Variants in PECAM1 observed in about 807,000 individuals in gnomAD.
The protein encoded by PECAM1 is platelet endothelial cell adhesion molecule.
Under a neutral mutation model 13.8 loss-of-function variants are expected in PECAM1, and 8 were observed. The ratio of observed to expected loss-of-function variants is 0.58; its 90% CI spans 0.34 to 1.05. The LOEUF (loss-of-function observed/expected upper bound fraction) is 1.05, where lower values mean the gene tolerates loss of function less well. Among genes scored for constraint, PECAM1 ranks in the 50% least tolerant of loss-of-function variants. The probability of loss-of-function intolerance (pLI) is 0.03; values close to 1 mark genes in which losing one functional copy is unlikely to be tolerated. For missense variants in PECAM1, 304 were observed against 141.2 expected (o/e 2.15, Z -5.84); for synonymous variants, 136 against 52.6 (o/e 2.58, Z -6.86).
chr17:64,377,638 A>ACGG, intron 3 of PECAM1, 186 bp downstream of exon 3: 3 of 402,590 alleles, frequency 7.5e-6, no homozygotes, highest in Non-Finnish European at 1.3e-5. Context: ...GGAAGGAAGG[A>ACGG]AGGGCCTGGC....
intron 7 of PECAM1, among the ~76,000 whole-genome samples, chr17:64,358,839 CAGGCTGGA>C (rs1393008013): frequency 5.3e-5 from 8 of 151,710 alleles, no homozygotes; most frequent in Non-Finnish European, 1.2e-4. Context: ...CTCCGTTGCC[CAGGCTGGA>C]GTGTAGCGGA....
At chr17:64,337,184 G>C (rs1366462496) in intron 14 of PECAM1, among the ~76,000 whole-genome samples, 1 of 152,132 alleles carries the variant, frequency 6.6e-6, no homozygotes, top group Non-Finnish European at 1.5e-5. Context: ...GCAAGAACCA[G>C]GGCTCTCTCT....
At chr17:64,382,932 C>G (rs955292450) in intron 2 of PECAM1, among the ~76,000 whole-genome samples, 2 of 151,874 alleles carry the variant, frequency 1.3e-5, no homozygotes, top group Non-Finnish European at 2.9e-5. Flanking sequence ...CCCATCTACT[C>G]GGGAGGCTGA....
chr17:64,385,358 C>G (rs73993921), intron 2 of PECAM1, among the ~76,000 whole-genome samples: 143,410 of 152,234 alleles, frequency 0.94, 68,158 homozygotes, highest in East Asian at 1. Context: ...GCGGCACCAT[C>G]AGTCAGCCAG....
At chr17:64,371,560 G>T (rs1332748124) in intron 4 of PECAM1, among the ~76,000 whole-genome samples, 1 of 152,068 alleles carries the variant, frequency 6.6e-6, no homozygotes, top group African/African-American at 2.4e-5. Context: ...GGTCAGGCAC[G>T]GTGCTCCACA....
rs1457261658 is a variant in PECAM1 at position 64,320,457 on chromosome 17, G to A, written c.*3359C>T. 1.3e-5 allele frequency: 2 copies of A among 152,648 alleles called. No homozygotes were observed. Among genetic ancestry groups the A allele is most frequent in the African/African-American group, 4.8e-5 (2 of 41,444 alleles). 9.5% of individuals were successfully genotyped at this position (152,648 alleles called of 1,614,324 possible). On this transcript the variant is annotated 3_prime_UTR_variant, in exon 16 of 16. Coordinates refer to ENST00000563924, the MANE Select transcript of PECAM1 (RefSeq NM_000442.5). ...TGCACTTCTTCCTTTTGTCCTCAAT[G>A]TTCTTCACCCCACCTTTTCCACTGG...
intron 5 of PECAM1, among the ~76,000 whole-genome samples, chr17:64,363,773 C>A (rs1269640683): frequency 3.9e-5 from 6 of 151,968 alleles, no homozygotes; most frequent in African/African-American, 1.4e-4. Flanking sequence ...TGGTGAAACC[C>A]CATCTCTACT....
intron 5 of PECAM1, among the ~76,000 whole-genome samples, chr17:64,365,566 C>T (rs1404804221): frequency 2.6e-5 from 4 of 152,136 alleles, no homozygotes; most frequent in African/African-American, 9.7e-5. Context: ...AACCTGACTT[C>T]AAACTATACT....
rs782441849 is a variant in PECAM1 at position 64,321,923 on chromosome 17, C to A, written c.*1893G>T. 1.5e-6 allele frequency: 2 copies of A among 1,333,740 alleles called. No individual in the cohort carries two copies. Among genetic ancestry groups the A allele is most frequent in the Non-Finnish European group, 2.0e-6 (2 of 1,006,574 alleles). The allele number at this position is 1,333,740 out of a possible 1,614,324, so 82.6% of individuals were successfully genotyped here. A position where few individuals can be genotyped will look rare whatever the true frequency, so the allele number is the denominator to read the frequency against. On this transcript the variant is annotated 3_prime_UTR_variant, in exon 16 of 16. Transcript: ENST00000563924. ...GGGGATCTGGCTGTCCCCAGATCAT[C>A]AACAGAGACATGAAGGTCGTTAGAG...
chr17:64,377,695 C>T (rs1395269720), intron 3 of PECAM1, 129 bp downstream of exon 3: 3 of 440,312 alleles, frequency 6.8e-6, no homozygotes, highest in Non-Finnish European at 8.1e-6. Flanking sequence ...AAGGAAAATG[C>T]CAGGCAGATG....
intron 5 of PECAM1, among the ~76,000 whole-genome samples, chr17:64,369,441 A>G: frequency 6.6e-6 from 1 of 152,286 alleles, no homozygotes; most frequent in South Asian, 2.1e-4. Context: ...TCATTATAGC[A>G]GTCCTAAAAG....
chr17:64,345,516 C>T (rs1353740842), intron 13 of PECAM1, among the ~76,000 whole-genome samples: 23 of 151,910 alleles, frequency 1.5e-4, no homozygotes, highest in African/African-American at 5.3e-4. Flanking sequence ...AGTTGGAGAC[C>T]AGCCTGGCCA....
chr17:64,355,292 A>C (rs1048077162), intron 8 of PECAM1, among the ~76,000 whole-genome samples: 2 of 151,850 alleles, frequency 1.3e-5, no homozygotes, highest in Non-Finnish European at 2.9e-5. Context: ...GCTGGGGTAG[A>C]CTCTTTTCTT....
At chr17:64,383,787 C>A (rs1013853925) in intron 2 of PECAM1, among the ~76,000 whole-genome samples, 7 of 152,154 alleles carry the variant, frequency 4.6e-5, no homozygotes, top group African/African-American at 1.4e-4. Context: ...GCATGGGGCC[C>A]GTCCACCATC....
At chr17:64,351,170 G>A (rs1352484855) in intron 11 of PECAM1, among the ~76,000 whole-genome samples, 2 of 151,974 alleles carry the variant, frequency 1.3e-5, no homozygotes, top group Non-Finnish European at 2.9e-5. Flanking sequence ...GAGCCACCGC[G>A]CCCAGCCTAG....
chr17:64,382,841 A>G (rs1433673472), intron 2 of PECAM1, among the ~76,000 whole-genome samples: 4 of 151,906 alleles, frequency 2.6e-5, no homozygotes, highest in Non-Finnish European at 4.4e-5. Flanking sequence ...GTTCGAGACC[A>G]GCCTCCTGGC....
chr17:64,324,850 CAGTGGTTGCT>C (rs1555645278), intron 15 of PECAM1, among the ~76,000 whole-genome samples: 1 of 152,136 alleles, frequency 6.6e-6, no homozygotes, highest in African/African-American at 2.4e-5. Flanking sequence ...AGAAAGTAGA[CAGTGGTTGCT>C]AGGGGTTGCT....
chr17:64,380,253 G>A (rs931379891), intron 2 of PECAM1, among the ~76,000 whole-genome samples: 7 of 152,094 alleles, frequency 4.6e-5, no homozygotes, highest in Middle Eastern at 3.4e-3. Flanking sequence ...GCTTGAGCCC[G>A]GGATGCAGAG....
At chr17:64,358,386 T>C (rs2035896176) in intron 7 of PECAM1, among the ~76,000 whole-genome samples, 1 of 152,184 alleles carries the variant, frequency 6.6e-6, no homozygotes, top group South Asian at 2.1e-4. Flanking sequence ...CCCAAAGTGC[T>C]GGGATTATAG....
Sources: gnomAD v4.1 joint callset for allele counts (sites outside exome capture counted in the v4.1 genomes callset) on GRCh38, gnomAD v4.1.1 for gene constraint, MANE v1.5 for transcripts, NCBI Gene and HGNC (gene_info 2026-07-23, HGNC 2026-07-21) for gene names.